Variants in UPF1 observed in about 807,000 individuals in gnomAD.
UPF1 encodes regulator of nonsense transcripts 1.
Under a neutral mutation model 129.2 loss-of-function variants are expected in UPF1, and 9 were observed. The ratio of observed to expected loss-of-function variants is 0.07; its 90% CI spans 0.04 to 0.12. The LOEUF is 0.12. UPF1 is among the 10% of genes least tolerant of loss of function. The pLI is 1.00. For synonymous variants in UPF1, 649 were observed against 644.9 expected, an observed-to-expected ratio of 1.01 and a Z score of -0.10; for missense variants, 788 against 1,525.3, an observed-to-expected ratio of 0.52 and a Z score of 8.05.
intron 1 of UPF1, among the ~76,000 whole-genome samples, chr19:18,843,717 TTGTGTG>T (rs72080135): frequency 1.1e-3 from 157 of 144,062 alleles, no homozygotes; most frequent in Middle Eastern, 3.5e-3. Flanking sequence ...TTGGCCAGGC[TTGTGTG>T]TGTGTGTGTG....
intron 1 of UPF1, among the ~76,000 whole-genome samples, chr19:18,844,307 G>A (rs542116627): frequency 7.2e-6 from 1 of 139,234 alleles, no homozygotes; most frequent in South Asian, 2.3e-4. Context: ...GCCGGGGGGG[G>A]GTTTGGGTTT....
chr19:18,836,652 TTCTAA>T (rs2055486300), intron 1 of UPF1, among the ~76,000 whole-genome samples: 1 of 152,180 alleles, frequency 6.6e-6, no homozygotes, highest in Admixed American at 6.5e-5. Context: ...GTATGTCAGT[TTCTAA>T]AATGGCACAC....
rs1171658028 is a variant in UPF1, at chr19:18,866,696, T to C, written c.*179T>C. 1.3e-5 allele frequency: 2 copies of C among 152,568 alleles called. No homozygotes were observed. The highest frequency in any genetic ancestry group is 4.8e-5 in the African/African-American group (2 of 41,466). 9.5% of individuals were successfully genotyped at this position (152,568 alleles called of 1,614,324 possible). ...GGAGCCGAGGCCGAGCGCCCCCTGC[T>C]GGCCCGCGGCGGCGAGGAGCAGAGG... On this transcript the variant is annotated 3_prime_UTR_variant, in exon 24 of 24. Transcript: ENST00000262803.
Position 18,866,930 on chromosome 19 carries a change from C to T in UPF1, c.*413C>T, listed in dbSNP as rs1019333907. 6.6e-6 allele frequency: 1 copy of T among 152,618 alleles called. No homozygotes were observed. The highest frequency in any genetic ancestry group is 1.5e-5 in the Non-Finnish European group (1 of 68,058). The allele number at this position is 152,618 out of a possible 1,614,324, so 9.5% of individuals were successfully genotyped here. A position where few individuals can be genotyped will look rare whatever the true frequency, so the allele number is the denominator to read the frequency against. Reference sequence around the variant, plus strand: ...CGCATTTCTGTGCCCGAGCAGGCTCCTTGCAAAGACAGCAGCGTGCGGGGC... The same window carrying T: ...CGCATTTCTGTGCCCGAGCAGGCTCTTTGCAAAGACAGCAGCGTGCGGGGC... On this transcript the variant is annotated 3_prime_UTR_variant, in exon 24 of 24. Coordinates refer to ENST00000262803, the MANE Select transcript of UPF1 (RefSeq NM_002911.4).
At chr19:18,841,858 C>T (rs910880168) in intron 1 of UPF1, among the ~76,000 whole-genome samples, 14 of 152,224 alleles carry the variant, frequency 9.2e-5, no homozygotes, top group Non-Finnish European at 5.9e-5. Flanking sequence ...CCGGTCCACA[C>T]AGGTGCCATT....
Position 18,850,826 on chromosome 19 carries a change from G to C in UPF1, c.768G>C (p.Gln256His). Residue 256 changes from glutamine to histidine, a missense_variant, in exon 5 of 24, where the codon CAG (glutamine) becomes CAC (histidine). Coordinates refer to ENST00000262803, the MANE Select transcript of UPF1 (RefSeq NM_002911.4). The surrounding 1 kb of genome is among the most constrained non-coding windows in gnomAD (Gnocchi z 7.1). ...PSEQEQLRARQITAQQINKLE... is the reference protein window; with the variant it reads ...PSEQEQLRARHITAQQINKLE... ...AGCAGGAGCAGCTGCGGGCACGCCA[G>C]ATCACGGCACAGCAGATCAACAAGC... 1 of 1,608,270 alleles carries C rather than the reference G, an allele frequency of 6.2e-7. No individual in the cohort carries two copies. Among genetic ancestry groups the C allele is most frequent in the Non-Finnish European group, 8.5e-7 (1 of 1,177,432 alleles).
intron 1 of UPF1, 110 bp from the exon 2 acceptor site, chr19:18,845,870 C>G (rs1290233602): frequency 1.4e-6 from 2 of 1,438,826 alleles, no homozygotes; most frequent in African/African-American, 2.9e-5. Flanking sequence ...GAAACTGTCT[C>G]AAAGCAGAGA....
chr19:18,855,290 G>T (rs2055704529), intron 11 of UPF1, 48 bp downstream of exon 11: 1 of 1,586,412 alleles, frequency 6.3e-7, no homozygotes, highest in East Asian at 2.2e-5. Flanking sequence ...GGGCTTTAGG[G>T]TGGCCAGATG....
intron 6 of UPF1, 67 bp from the exon 7 acceptor site, chr19:18,852,920 G>A (rs1478772341): frequency 1.5e-6 from 2 of 1,354,286 alleles, no homozygotes; most frequent in Non-Finnish European, 2.1e-6. Context: ...GGGGCCTCGG[G>A]CATGTGGAGG....
rs751173081 is a variant in UPF1, at chr19:18,856,187, A to G, written c.1711A>G (p.Met571Val). The change falls in exon 13 of 24, where the codon ATG becomes GTG. Residue 571 changes from methionine (M) to valine (V), a missense_variant and splice_region_variant. By Grantham distance (21) the Met-to-Val change is conservative. This residue lies in a region of UPF1 where 91 missense variants were observed against 157.2 expected (regional missense o/e 0.58). Coordinates refer to ENST00000262803, the MANE Select transcript of UPF1 (RefSeq NM_002911.4). Reference protein sequence around the residue: ...LHNQIRNMDSMPELQKLQQLK... With the variant: ...LHNQIRNMDSVPELQKLQQLK... ...CTGCTGACCTGCATGTGCTTCCAGC[A>G]TGCCTGAGCTGCAGAAGCTGCAGCA... The G allele has an allele frequency of 1.9e-6, 3 of 1,608,418 alleles. No individual in the cohort carries two copies. The highest frequency in any genetic ancestry group is 2.6e-6 in the Non-Finnish European group (3 of 1,175,564).
At chr19:18,860,012 C>T (rs761108439) in intron 15 of UPF1, 10 of 312,314 alleles carry the variant, frequency 3.2e-5, no homozygotes, top group Non-Finnish European at 4.7e-5. Context: ...GGAGAATATC[C>T]TGTATCCTGG....
At chr19:18,857,090 C>T in intron 14 of UPF1, 70 bp downstream of exon 14, 8 of 1,564,086 alleles carry the variant, frequency 5.1e-6, no homozygotes, top group Non-Finnish European at 6.9e-6. Context: ...TCTTTTAAAA[C>T]ACCTTGTATT....
At chr19:18,858,222 A>G (rs1326828013) in intron 15 of UPF1, among the ~76,000 whole-genome samples, 1 of 152,258 alleles carries the variant, frequency 6.6e-6, no homozygotes, top group African/African-American at 2.4e-5. Context: ...TTTTCCAAAA[A>G]TGATCGAACC....
rs1172547365 is a variant in UPF1 at position 18,843,918 on chromosome 19, G to A, written c.232-2062G>A. ...GCGCCACCACACCTGGCTCGTTTGT[G>A]TATTTTTTTGTGGAGACAGGATCTT... On this transcript the variant is annotated intron_variant, in intron 1 of 23. Transcript: ENST00000262803. 2.0e-5 allele frequency among the ~76,000 whole-genome samples: 3 copies of A among 152,034 alleles called. No individual in the cohort carries two copies. In the East Asian group the frequency reaches 5.8e-4, roughly 29 times the overall value.
chr19:18,848,052 A>G lies in UPF1; in HGVS notation c.461+219A>G, dbSNP rs551886428. The G allele has an allele frequency of 2.7e-5, 13 of 479,262 alleles. No individual in the cohort carries two copies. In the South Asian group the frequency reaches 3.7e-4, roughly 14 times the overall value. The allele number at this position is 479,262 out of a possible 1,614,324, so 29.7% of individuals were successfully genotyped here. A position where few individuals can be genotyped will look rare whatever the true frequency, so the allele number is the denominator to read the frequency against. Reference sequence around the variant, plus strand: ...TCTCTGTGGCTCTTTTTATTATGCAAGTAGGGTTGGCTTAATTCTCCTTCC... The same window carrying G: ...TCTCTGTGGCTCTTTTTATTATGCAGGTAGGGTTGGCTTAATTCTCCTTCC... On this transcript the variant is annotated intron_variant, in intron 3 of 23. Transcript: ENST00000262803.
At chr19:18,856,816 C>T (rs1027395876) in intron 13 of UPF1, 61 bp from the exon 14 acceptor site, 3 of 1,548,608 alleles carry the variant, frequency 1.9e-6, no homozygotes, top group African/African-American at 2.7e-5. Flanking sequence ...TCCCACCTGC[C>T]CTCCGGGGTC....
intron 1 of UPF1, among the ~76,000 whole-genome samples, chr19:18,838,610 T>C (rs1041935617): frequency 1.3e-5 from 2 of 152,126 alleles, no homozygotes; most frequent in Non-Finnish European, 2.9e-5. Context: ...ATTGTGCCAT[T>C]GCACTCCAGC....
intron 6 of UPF1, 45 bp from the exon 7 acceptor site, chr19:18,852,942 C>T (rs1178030569): frequency 6.5e-7 from 1 of 1,540,780 alleles, no homozygotes; most frequent in African/African-American, 1.4e-5. Flanking sequence ...CAGGCCCGGG[C>T]CTGTGCTGGA....
chr19:18,855,055 G>T lies in UPF1; in HGVS notation c.1425+17G>T, dbSNP rs774519013. 3 of 1,613,072 alleles carry T rather than the reference G, an allele frequency of 1.9e-6. No homozygotes were observed. In the Admixed American group the frequency reaches 5.0e-5, roughly 27 times the overall value. On this transcript the variant is annotated intron_variant, in intron 10 of 23. Coordinates refer to ENST00000262803, the MANE Select transcript of UPF1 (RefSeq NM_002911.4). ...CACTCCCAGGTGCGCGCCGTCCTCA[G>T]CGCGCGGGGCCTCGCCCATGGGCCG...
Sources: allele counts gnomAD v4.1 joint callset (sites outside exome capture counted in the v4.1 genomes callset), GRCh38; gene constraint gnomAD v4.1.1; regional missense constraint gnomAD v4.1.1; non-coding constraint Gnocchi (gnomAD v3.1); transcripts MANE v1.5; gene names NCBI Gene and HGNC (gene_info 2026-07-23, HGNC 2026-07-21).